Variants in ADAMTSL4 observed in about 807,000 individuals in gnomAD.
ADAMTSL4 encodes ADAMTS like 4, also known as ADAMTS-like protein 4.
In ADAMTSL4, 97 loss-of-function variants were observed where a neutral mutation model predicts 122.8. That is an observed-to-expected ratio of 0.79 (90% CI 0.67 to 0.93). ADAMTSL4 has a LOEUF of 0.93. Ranked by LOEUF, ADAMTSL4 falls within the 40% of genes least tolerant of loss-of-function variation. The pLI is 0.00. For synonymous variants in ADAMTSL4, 592 were observed against 568.0 expected (o/e 1.04, Z -0.60); for missense variants, 1,408 against 1,453.5 (o/e 0.97, Z 0.51).
Position 150,559,850 on chromosome 1 carries a change from A to C in ADAMTSL4, c.3033A>C (p.Gln1011His). 1 of 1,613,990 alleles carries C rather than the reference A, an allele frequency of 6.2e-7. No individual in the cohort carries two copies. Among genetic ancestry groups the C allele is most frequent in the Non-Finnish European group, 8.5e-7 (1 of 1,180,000 alleles). ...NQTLSTRCPP[Q>H]LRPSRKRPCN... is the part of the protein sequence containing the mutation. The stretch of plus-strand genomic sequence containing the variant: ...CCCTCAGCACCCGATGCCCTCCTCA[A>C]CTGCGGCCCTCCAGGAAGCGCCCCT... The change falls in exon 18 of 19, where the codon CAA becomes CAC. Residue 1011 changes from glutamine to histidine, a missense_variant. Coordinates refer to ENST00000271643, the MANE Select transcript of ADAMTSL4 (RefSeq NM_019032.6). The surrounding 1 kb of genome is among the most constrained non-coding windows in gnomAD (Gnocchi z 4.1).
chr1:150,554,775 C>T lies in ADAMTSL4; in HGVS notation c.1234+308C>T, dbSNP rs1189044768. The T allele has an allele frequency of 2.6e-5, 26 of 1,004,684 alleles. No individual in the cohort carries two copies. The highest frequency in any genetic ancestry group is 3.2e-5 in the African/African-American group (2 of 61,542). 62.2% of individuals were successfully genotyped at this position (1,004,684 alleles called of 1,614,324 possible). ...CATGGTGGGAGAGATCCTGTCCAGC[C>T]GTGACAGCCAGGTGGGGGTGTGCCA... On this transcript the variant is annotated intron_variant, in intron 7 of 18. Coordinates refer to ENST00000271643, the MANE Select transcript of ADAMTSL4 (RefSeq NM_019032.6). The surrounding 1 kb of genome is among the most constrained non-coding windows in gnomAD (Gnocchi z 4.0).
In ADAMTSL4 at chr1:150,558,606, G is replaced by T. The variant is rs766405451; in HGVS notation, c.2516G>T (p.Gly839Val). 1 of 1,613,776 alleles carries T rather than the reference G, an allele frequency of 6.2e-7. No individual in the cohort carries two copies. The highest frequency in any genetic ancestry group is 1.3e-5 in the African/African-American group (1 of 74,924). ...CCCAGCAGAGAGGCCTGTGACATGG[G>T]GCCCTGTACTACTGCCTGGTTCCAC... ...QPPSREACDM[G>V]PCTTAWFHSD... is the part of the protein sequence containing the mutation. Residue 839 changes from glycine to valine, a missense_variant, in exon 15 of 19, where the codon GGG becomes GTG. Coordinates refer to ENST00000271643, the MANE Select transcript of ADAMTSL4 (RefSeq NM_019032.6).
At position 150,554,142 on chromosome 1, in the gene ADAMTSL4, C is replaced by T. The variant is rs775608401; in HGVS notation, c.1131+20C>T. ...CAAGCGGTGAGTCTCCTCGGGCCTCCCCTCCCAACCCCGACCTCCAGTGTG... is the reference window on the plus strand; with the variant it reads ...CAAGCGGTGAGTCTCCTCGGGCCTCTCCTCCCAACCCCGACCTCCAGTGTG... On this transcript the variant is annotated intron_variant, in intron 6 of 18. Coordinates refer to ENST00000271643, the MANE Select transcript of ADAMTSL4 (RefSeq NM_019032.6). This position sits in a 1 kb window ranked among gnomAD's most constrained non-coding sequence, Gnocchi z 4.0. 10 of 1,597,288 alleles carry T rather than the reference C, an allele frequency of 6.3e-6. No homozygotes were observed. Among genetic ancestry groups the T allele is most frequent in the Non-Finnish European group, 6.8e-6 (8 of 1,179,356 alleles).
chr1:150,553,008 G>A lies in ADAMTSL4; in HGVS notation c.189G>A (p.Gly63=). 1.9e-6 allele frequency: 3 copies of A among 1,613,214 alleles called. No individual in the cohort carries two copies. The highest frequency in any genetic ancestry group is 2.5e-6 in the Non-Finnish European group (3 of 1,179,894). The change falls in exon 5 of 19, where the codon GGG becomes GGA. Residue 63 remains glycine (G), a synonymous_variant. Transcript: ENST00000271643. ...WASCSQPCGV[G]VQRRSRTCQL... is the part of the protein sequence containing the mutation. ...CTTGCTCCCAGCCCTGCGGGGTGGGGGTGCAGCGCAGGAGCCGGACATGTC... is the reference window on the plus strand; with the variant it reads ...CTTGCTCCCAGCCCTGCGGGGTGGGAGTGCAGCGCAGGAGCCGGACATGTC...
At position 150,552,489 on chromosome 1, in the gene ADAMTSL4, C is replaced by T; in HGVS notation, c.21-54C>T. On this transcript the variant is annotated intron_variant, in intron 3 of 18. Transcript: ENST00000271643. This position sits in a 1 kb window ranked among gnomAD's most constrained non-coding sequence, Gnocchi z 4.0. Reference sequence around the variant, plus strand: ...CGGCTGGGGGCGGAGGGCAGTGTTGCAACACCCCCTCTGGCTCCAGTCTGA... The same window carrying T: ...CGGCTGGGGGCGGAGGGCAGTGTTGTAACACCCCCTCTGGCTCCAGTCTGA... The T allele has an allele frequency of 1.2e-6, 2 of 1,610,806 alleles. No individual in the cohort carries two copies. The highest frequency in any genetic ancestry group is 2.2e-5 in the South Asian group (2 of 90,990).
chr1:150,550,756 G>A (rs761104860), intron 2 of ADAMTSL4: 10 of 456,242 alleles, frequency 2.2e-5, no homozygotes, highest in Non-Finnish European at 4.4e-5. Context: ...AGTGGCCATC[G>A]GCAACCCCCA....
Position 150,551,460 on chromosome 1 carries a change from G to T in ADAMTSL4, c.-84-745G>T, listed in dbSNP as rs587605728. ...GTAGGACAGAGAGATGACTGGGGAAGGTCTTGTGTCTGGAAGACCCAAGGA... is the reference window on the plus strand; with the variant it reads ...GTAGGACAGAGAGATGACTGGGGAATGTCTTGTGTCTGGAAGACCCAAGGA... On this transcript the variant is annotated intron_variant, in intron 2 of 18. Coordinates refer to ENST00000271643, the MANE Select transcript of ADAMTSL4 (RefSeq NM_019032.6). The T allele has an allele frequency of 2.3e-4, 41 of 182,058 alleles. No individual in the cohort carries two copies. The Middle Eastern group carries it at 0.014, about 63-fold the overall frequency. The allele number at this position is 182,058 out of a possible 1,614,324, so 11.3% of individuals were successfully genotyped here.
chr1:150,558,370 G>T (rs1672420583), intron 14 of ADAMTSL4, 103 bp from the exon 15 acceptor site: 67 of 1,573,982 alleles, frequency 4.3e-5, no homozygotes, highest in Non-Finnish European at 5.8e-5. Flanking sequence ...TGTGACTGCT[G>T]GGCTGGGGAT....
intron 2 of ADAMTSL4, chr1:150,550,372 AG>A: frequency 2.2e-6 from 1 of 450,896 alleles, no homozygotes; most frequent in South Asian, 1.6e-5. Context: ...TTTTCCAGAG[AG>A]GGAGCCAGGC....
rs587746986 is a variant in ADAMTSL4 at position 150,557,938 on chromosome 1, C to A, written c.2178-7C>A. The A allele has an allele frequency of 1.5e-4, 239 of 1,604,410 alleles. 1 individual carries two copies. In the South Asian group the frequency reaches 2.5e-3, roughly 17 times the overall value. ...CCGCCTCTTCCCTGCCCTGCTGGTG[C>A]CTGCAGCTGGGAGGCTGGCGAGTGG... On this transcript the variant is annotated splice_polypyrimidine_tract_variant and splice_region_variant and intron_variant, in intron 13 of 18. Coordinates refer to ENST00000271643, the MANE Select transcript of ADAMTSL4 (RefSeq NM_019032.6).
rs41317517 is a variant in ADAMTSL4 at position 150,553,794 on chromosome 1, C to T, written c.803C>T (p.Ser268Phe). The part of the protein sequence containing the change: ...SGTEPPSPTH[S>F]LGEGGFFRAS... ...ACAGAGCCCCCCTCACCCACGCACT[C>T]CTTAGGAGAAGGTGGCTTCTTCCGT... Residue 268 changes from serine to phenylalanine, a missense_variant, in exon 6 of 19, where the codon TCC (serine) becomes TTC (phenylalanine). Coordinates refer to ENST00000271643, the MANE Select transcript of ADAMTSL4 (RefSeq NM_019032.6). The T allele has an allele frequency of 9.7e-3, 15,616 of 1,614,042 alleles. 94 individuals carry two copies. Among genetic ancestry groups the T allele is most frequent in the Middle Eastern group, 0.011 (65 of 6,062 alleles).
In ADAMTSL4 at chr1:150,558,981, C is replaced by T. The variant is rs760559771; in HGVS notation, c.2579C>T (p.Thr860Met). Residue 860 changes from threonine (T) to methionine (M), a missense_variant, in exon 16 of 19, where the codon ACG (threonine) becomes ATG (methionine). By Grantham distance (81) the Thr-to-Met change is moderately conservative. Coordinates refer to ENST00000271643, the MANE Select transcript of ADAMTSL4 (RefSeq NM_019032.6). ...CCGCAGTGCTCAGCCGAGTGTGGGA[C>T]GGGAATCCAGCGGCGCTCTGTGGTC... ...WSSKCSAECG[T>M]GIQRRSVVCL... The T allele has an allele frequency of 1.2e-5, 19 of 1,609,674 alleles. No homozygotes were observed. Among genetic ancestry groups the T allele is most frequent in the Admixed American group, 8.4e-5 (5 of 59,530 alleles).
In ADAMTSL4 at chr1:150,554,550, C is replaced by A. The variant is rs1202010182; in HGVS notation, c.1234+83C>A. On this transcript the variant is annotated intron_variant, in intron 7 of 18. Transcript: ENST00000271643. This position sits in a 1 kb window ranked among gnomAD's most constrained non-coding sequence, Gnocchi z 4.0. ...GAGGAGATACCTGCTTACTCCCAGC[C>A]CTGAATGACTTCCAGCCCCTCTGCT... The A allele has an allele frequency of 6.3e-7, 1 of 1,582,930 alleles. No individual in the cohort carries two copies. Among genetic ancestry groups the A allele is most frequent in the Admixed American group, 1.8e-5 (1 of 54,596 alleles).
In ADAMTSL4 at chr1:150,557,526, C is replaced by A; in HGVS notation, c.2080C>A (p.Arg694Ser). 1.2e-6 allele frequency: 2 copies of A among 1,612,466 alleles called. No individual in the cohort carries two copies. The highest frequency in any genetic ancestry group is 1.7e-6 in the Non-Finnish European group (2 of 1,179,682). Reference protein sequence around the residue: ...VWRPIFLCISRESGEELDERS... With the variant: ...VWRPIFLCISSESGEELDERS... ...GCGCCCCATTTTCCTCTGCATCTCCCGTGAGTCGGGAGAGGAACTGGATGA... is the reference window on the plus strand; with the variant it reads ...GCGCCCCATTTTCCTCTGCATCTCCAGTGAGTCGGGAGAGGAACTGGATGA... Residue 694 changes from arginine (R) to serine (S), a missense_variant, in exon 13 of 19, where the codon CGT (arginine) becomes AGT (serine). By Grantham distance (110) the Arg-to-Ser change is moderately radical (BLOSUM62 -1). Transcript: ENST00000271643.
rs927811184 is a variant in ADAMTSL4, at chr1:150,559,626, C to T, written c.2944-135C>T. 1.9e-6 allele frequency: 3 copies of T among 1,554,028 alleles called. No individual in the cohort carries two copies. Among genetic ancestry groups the T allele is most frequent in the African/African-American group, 2.7e-5 (2 of 73,670 alleles). On this transcript the variant is annotated intron_variant, in intron 17 of 18. Coordinates refer to ENST00000271643, the MANE Select transcript of ADAMTSL4 (RefSeq NM_019032.6). The surrounding 1 kb of genome is among the most constrained non-coding windows in gnomAD (Gnocchi z 4.1). Reference sequence around the variant, plus strand: ...CTTATAGACTTGGAGGAAAGATGGGCCCTCTCCATTTGGGATTTCACAATG... The same window carrying T: ...CTTATAGACTTGGAGGAAAGATGGGTCCTCTCCATTTGGGATTTCACAATG...
At chr1:150,551,263 T>A in intron 2 of ADAMTSL4, 1 of 348,588 alleles carries the variant, frequency 2.9e-6, no homozygotes, top group South Asian at 2.2e-5. Flanking sequence ...AAGCCCTCAC[T>A]GAACCAACTC....
Position 150,556,363 on chromosome 1 carries a change from C to T in ADAMTSL4, c.1573C>T (p.Leu525=). Residue 525 remains leucine, a synonymous_variant, in exon 9 of 19, where the codon CTG becomes TTG. Transcript: ENST00000271643. The surrounding 1 kb of genome is among the most constrained non-coding windows in gnomAD (Gnocchi z 4.1). ...CCAGCTCCGGCCTAGCTCCAACTAC[C>T]TGGGTGAGCACCCAGCTGCCTCCCC... is the stretch of plus-strand genomic sequence containing the variant. ...IAQLRPSSNY[L]ALRGPGGRSI... 6.2e-7 allele frequency: 1 copy of T among 1,613,958 alleles called. No individual in the cohort carries two copies. Among genetic ancestry groups the T allele is most frequent in the Non-Finnish European group, 8.5e-7 (1 of 1,180,002 alleles).
chr1:150,553,964 G>C lies in ADAMTSL4; in HGVS notation c.973G>C (p.Gly325Arg), dbSNP rs767817205. 1 of 1,610,158 alleles carries C rather than the reference G, an allele frequency of 6.2e-7. No individual in the cohort carries two copies. ...GPWGTGGTPH[G>R]PRLEPDPQHP... is the part of the protein sequence containing the mutation. The stretch of plus-strand genomic sequence containing the variant: ...TTGGGGAACGGGGGGGACTCCTCAC[G>C]GGCCCCGCCTGGAGCCTGACCCTCA... Residue 325 changes from glycine (G) to arginine (R), a missense_variant, in exon 6 of 19, where the codon GGG becomes CGG. Coordinates refer to ENST00000271643, the MANE Select transcript of ADAMTSL4 (RefSeq NM_019032.6).
Position 150,559,520 on chromosome 1 carries a change from G to T in ADAMTSL4, c.2943+54G>T, listed in dbSNP as rs1291084581. 16 of 1,607,364 alleles carry T rather than the reference G, an allele frequency of 1.0e-5. No homozygotes were observed. Among genetic ancestry groups the T allele is most frequent in the Non-Finnish European group, 1.4e-5 (16 of 1,178,192 alleles). ...TGCTCAGCCTGGGCCCCTAGGGGAG[G>T]GGAGCTCCTCTCGCTGTACCCCCTC... On this transcript the variant is annotated intron_variant, in intron 17 of 18. Transcript: ENST00000271643. The surrounding 1 kb of genome is among the most constrained non-coding windows in gnomAD (Gnocchi z 4.1).
Sources: gnomAD v4.1 joint callset for allele counts on GRCh38, gnomAD v4.1.1 for gene constraint, Gnocchi (gnomAD v3.1) non-coding constraint, MANE v1.5 for transcripts, NCBI Gene and HGNC (gene_info 2026-07-23, HGNC 2026-07-21) for gene names.